KTN1: variants seen among roughly 807,000 people sequenced by gnomAD.
The protein encoded by KTN1 is kinectin 1, also known as kinectin.
Under a neutral mutation model 222.5 loss-of-function variants are expected in KTN1, and 130 were observed. The ratio of observed to expected loss-of-function variants is 0.58; its 90% confidence interval spans 0.51 to 0.68. The LOEUF is 0.68. Among genes scored for constraint, KTN1 ranks in the 30% least tolerant of loss-of-function variants. The pLI is 0.00. For missense variants in KTN1, 1,508 were observed against 1,500.4 expected (o/e 1.01, Z -0.08); for synonymous variants, 512 against 496.3 (o/e 1.03, Z -0.42).
chr14:55,683,774 A>G (rs1177400731), intron 43 of KTN1: 1 of 259,538 alleles, frequency 3.9e-6, no homozygotes, highest in Non-Finnish European at 7.3e-6. Flanking sequence ...GGTTGTATTC[A>G]ACCCCTTTTC....
rs774000802 is a variant in KTN1 at position 55,634,552 on chromosome 14, G to T, written c.1355G>T (p.Arg452Leu). The change falls in exon 9 of 44, where the codon CGC (arginine) becomes CTC (leucine). Residue 452 changes from arginine (R) to leucine (L), a missense_variant. Coordinates refer to ENST00000395314, the MANE Select transcript of KTN1 (RefSeq NM_001079521.2). The part of the protein sequence containing the change: ...SKQSAELNKL[R>L]QDYARLVNEL... ...CAGTCTGCAGAACTAAATAAACTAC[G>T]CCAGGATTATGCTAGGTTGGTGAAT... 2 of 1,613,272 alleles carry T rather than the reference G, an allele frequency of 1.2e-6. No homozygotes were observed. Among genetic ancestry groups the T allele is most frequent in the South Asian group, 1.1e-5 (1 of 90,936 alleles).
At chr14:55,617,418 G>A (rs1281951973) in intron 3 of KTN1, among the ~76,000 whole-genome samples, 2 of 152,078 alleles carry the variant, frequency 1.3e-5, no homozygotes, top group Middle Eastern at 3.2e-3. Context: ...AAATAAAGAG[G>A]CTTCCTTCTT....
intron 33 of KTN1, among the ~76,000 whole-genome samples, chr14:55,666,998 A>G (rs1260162315): frequency 6.6e-6 from 1 of 152,148 alleles, no homozygotes; most frequent in East Asian, 1.9e-4. Flanking sequence ...GAAAATGTCC[A>G]TATTGTCAGA....
At chr14:55,624,814 T>G (rs1376656978) in intron 5 of KTN1, among the ~76,000 whole-genome samples, 1 of 152,202 alleles carries the variant, frequency 6.6e-6, no homozygotes, top group Non-Finnish European at 1.5e-5. Flanking sequence ...CTTGGGGGAA[T>G]GATCAACAGT....
At chr14:55,673,487 T>A in intron 40 of KTN1, 1 of 335,972 alleles carries the variant, frequency 3.0e-6, no homozygotes, top group Non-Finnish European at 5.4e-6. Flanking sequence ...GGCTTCCAAC[T>A]CTTTTTCAAA....
At chr14:55,623,915 A>G (rs1444190014) in intron 5 of KTN1, among the ~76,000 whole-genome samples, 1 of 152,174 alleles carries the variant, frequency 6.6e-6, no homozygotes, top group African/African-American at 2.4e-5. Context: ...GGCAAGAGTA[A>G]TCATTTTATT....
chr14:55,678,510 A>G, intron 42 of KTN1, 66 bp downstream of exon 42: 2 of 934,440 alleles, frequency 2.1e-6, no homozygotes, highest in Non-Finnish European at 3.5e-6. Context: ...AAGAACAAAA[A>G]TGTATAAGGT....
At chr14:55,637,439 A>G (rs2041268094) in intron 11 of KTN1, 75 bp downstream of exon 11, 1 of 1,016,968 alleles carries the variant, frequency 9.8e-7, no homozygotes, top group Non-Finnish European at 1.4e-6. Flanking sequence ...TAGAAGAGAG[A>G]CTAAAGTCTA....
chr14:55,652,717 G>A, intron 25 of KTN1, 133 bp from the exon 26 acceptor site: 1 of 619,144 alleles, frequency 1.6e-6, no homozygotes, highest in South Asian at 2.0e-5. Flanking sequence ...CTTTATACTT[G>A]ATAAGTTTTA....
chr14:55,667,284 A>T lies in KTN1; in HGVS notation c.3221A>T (p.Glu1074Val), dbSNP rs1233985976. 1.2e-6 allele frequency: 2 copies of T among 1,607,706 alleles called. No homozygotes were observed. Among genetic ancestry groups the T allele is most frequent in the African/African-American group, 1.3e-5 (1 of 74,574 alleles). ...QVEAVELEAK[E>V]VLKKLFPKVS... ...GAAGCTGTTGAGTTGGAGGCTAAAG[A>T]AGTTCTCAAAAAATTATTTCCAAAG... The change falls in exon 34 of 44, where the codon GAA (glutamate) becomes GTA (valine). Residue 1074 changes from glutamate to valine, a missense_variant. Physicochemically the swap from Glu to Val is moderately radical, Grantham distance 121. Coordinates refer to ENST00000395314, the MANE Select transcript of KTN1 (RefSeq NM_001079521.2).
rs1453632882 is a variant in KTN1 at position 55,580,250 on chromosome 14, G to T, written c.-135G>T. 2.2e-5 allele frequency: 3 copies of T among 139,230 alleles called. No individual in the cohort carries two copies. Among genetic ancestry groups the T allele is most frequent in the South Asian group, 4.2e-4 (2 of 4,738 alleles). 8.6% of individuals were successfully genotyped at this position (139,230 alleles called of 1,614,324 possible). ...CCGAGCGGCGCGACGGCACCTGAGC[G>T]ACTGCGGCGGCGGCGGCGGCGGCGG... On this transcript the variant is annotated 5_prime_UTR_variant, in exon 1 of 44. Transcript: ENST00000395314.
chr14:55,667,086 C>A (rs558820003), intron 33 of KTN1, among the ~76,000 whole-genome samples, 155 bp from the exon 34 acceptor site: 1 of 151,894 alleles, frequency 6.6e-6, no homozygotes, highest in Non-Finnish European at 1.5e-5. Flanking sequence ...ATTTTAATAT[C>A]TTAAAGTGGG....
chr14:55,637,730 G>C (rs747552501), intron 11 of KTN1, 49 bp from the exon 12 acceptor site: 4 of 1,319,386 alleles, frequency 3.0e-6, no homozygotes, highest in Non-Finnish European at 1.1e-6. Flanking sequence ...ATATACATGG[G>C]GTTATTTATT....
At chr14:55,605,263 C>T (rs1566689639) in intron 1 of KTN1, among the ~76,000 whole-genome samples, 1 of 152,092 alleles carries the variant, frequency 6.6e-6, no homozygotes, top group East Asian at 1.9e-4. Context: ...TTTAACCTAT[C>T]CATTTGGTTT....
intron 34 of KTN1, chr14:55,667,954 C>G (rs76819679): frequency 0.061 from 9,107 of 149,808 alleles, 380 homozygotes; most frequent in South Asian, 0.089. Flanking sequence ...AGTAGAGAGA[C>G]GAGCATAATG....
chr14:55,643,014 A>C (rs1429314013), intron 18 of KTN1, among the ~76,000 whole-genome samples: 1 of 151,516 alleles, frequency 6.6e-6, no homozygotes, highest in African/African-American at 2.4e-5. Context: ...GGTTAAAGCC[A>C]TTCTCGTGCC....
At chr14:55,632,385 T>C (rs1459055745) in intron 7 of KTN1, among the ~76,000 whole-genome samples, 1 of 152,244 alleles carries the variant, frequency 6.6e-6, no homozygotes, top group Non-Finnish European at 1.5e-5. Flanking sequence ...ACAGTTTCTT[T>C]TGAAAGAATT....
chr14:55,583,224 G>A (rs548695092), intron 1 of KTN1, among the ~76,000 whole-genome samples: 2 of 152,294 alleles, frequency 1.3e-5, no homozygotes, highest in East Asian at 3.9e-4. Context: ...GTGCCGAGCT[G>A]TTGTGCTTAA....
Position 55,639,186 on chromosome 14 carries a change from C to T in KTN1, c.1787C>T (p.Thr596Ile). 1.2e-6 allele frequency: 2 copies of T among 1,600,060 alleles called. No homozygotes were observed. Among genetic ancestry groups the T allele is most frequent in the Non-Finnish European group, 8.6e-7 (1 of 1,168,014 alleles). The change falls in exon 13 of 44, where the codon ACC (threonine) becomes ATC (isoleucine). Residue 596 changes from threonine to isoleucine, a missense_variant and splice_region_variant. By Grantham distance (89) the Thr-to-Ile change is moderately conservative. Coordinates refer to ENST00000395314, the MANE Select transcript of KTN1 (RefSeq NM_001079521.2). ...QQFHSQIAAQ[T>I]SASVLAEELH... ...GTTGACACTATTTTTCTTTCTTAGA[C>T]CTCCGCTTCAGTTCTAGCAGAAGAA...
Sources: allele counts gnomAD v4.1 joint callset (sites outside exome capture counted in the v4.1 genomes callset), GRCh38; gene constraint gnomAD v4.1.1; transcripts MANE v1.5; gene names NCBI Gene and HGNC (gene_info 2026-07-23, HGNC 2026-07-21).